The following MDGA2 variants were observed in gnomAD, a reference collection of about 807,000 sequenced individuals.
MDGA2 encodes MAM domain containing glycosylphosphatidylinositol anchor 2.
In MDGA2, 40 loss-of-function variants were observed where a neutral mutation model predicts 117.8. The ratio of observed to expected loss-of-function variants is 0.34; its 90% CI spans 0.26 to 0.44. The LOEUF (loss-of-function observed/expected upper bound fraction) is 0.44. Among genes scored for constraint, MDGA2 ranks in the 20% least tolerant of loss-of-function variants. The pLI is 1.00. For synonymous variants in MDGA2, 452 were observed against 439.0 expected, an observed-to-expected ratio of 1.03 and a Z score of -0.37; for missense variants, 1,123 against 1,250.6, an observed-to-expected ratio of 0.90 and a Z score of 1.54.
At chr14:47,249,458 A>T (rs149405764) in intron 2 of MDGA2, among the ~76,000 whole-genome samples, 1 of 152,288 alleles carries the variant, frequency 6.6e-6, no homozygotes, top group African/African-American at 2.4e-5. Context: ...AATAGCTGAG[A>T]CTACAGGCAT....
chr14:47,328,235 A>G (rs1890198370), intron 1 of MDGA2, among the ~76,000 whole-genome samples: 1 of 152,124 alleles, frequency 6.6e-6, no homozygotes, highest in Non-Finnish European at 1.5e-5. Context: ...CTGGAAGACA[A>G]ATGTGGATTT....
intron 1 of MDGA2, among the ~76,000 whole-genome samples, chr14:47,403,765 A>G (rs998763706): frequency 6.6e-6 from 1 of 152,126 alleles, no homozygotes; most frequent in Non-Finnish European, 1.5e-5. Flanking sequence ...CATTTGAGAA[A>G]ATAGCAAAAA....
At chr14:47,177,479 T>A (rs1884516006) in intron 3 of MDGA2, among the ~76,000 whole-genome samples, 2 of 152,244 alleles carry the variant, frequency 1.3e-5, no homozygotes, top group East Asian at 3.9e-4. Context: ...CCATAAAAAA[T>A]GATGAGTTCA....
At chr14:47,520,268 T>C (rs1894841913) in intron 1 of MDGA2, among the ~76,000 whole-genome samples, 1 of 152,186 alleles carries the variant, frequency 6.6e-6, no homozygotes, top group Non-Finnish European at 1.5e-5. Flanking sequence ...AGTCACTCTA[T>C]CCTTCTGACT....
intron 1 of MDGA2, among the ~76,000 whole-genome samples, chr14:47,424,314 T>A (rs113543828): frequency 1.3e-5 from 2 of 151,942 alleles, no homozygotes; most frequent in Non-Finnish European, 2.9e-5. Flanking sequence ...TTCCAGCCAT[T>A]TGGGAGGCTG....
chr14:47,040,836 C>A (rs1278596489), intron 7 of MDGA2, among the ~76,000 whole-genome samples: 1 of 152,156 alleles, frequency 6.6e-6, no homozygotes, highest in Non-Finnish European at 1.5e-5. Flanking sequence ...TATCCCTGAC[C>A]AGGCAGCTCC....
At chr14:47,063,589 C>T (rs1225383301) in intron 6 of MDGA2, among the ~76,000 whole-genome samples, 1 of 151,806 alleles carries the variant, frequency 6.6e-6, no homozygotes, top group South Asian at 2.1e-4. Flanking sequence ...AATATATTTT[C>T]TGTTAAAAAC....
chr14:47,357,887 T>G (rs966875371), intron 1 of MDGA2, among the ~76,000 whole-genome samples: 9 of 152,200 alleles, frequency 5.9e-5, no homozygotes, highest in African/African-American at 1.9e-4. Context: ...TCAATGCCCC[T>G]GGTCTACATG....
chr14:46,992,087 T>G (rs896127260), intron 8 of MDGA2, among the ~76,000 whole-genome samples: 1 of 152,050 alleles, frequency 6.6e-6, no homozygotes, highest in African/African-American at 2.4e-5. Flanking sequence ...TGTCAAAAGA[T>G]CAAAACTAGC....
At chr14:47,665,397 A>G (rs755774462) in intron 1 of MDGA2, among the ~76,000 whole-genome samples, 3 of 152,186 alleles carry the variant, frequency 2.0e-5, no homozygotes, top group Non-Finnish European at 4.4e-5. Flanking sequence ...CAGCCCTCAC[A>G]ACCCTCGCTT....
At chr14:46,859,147 C>G (rs1267789712) in intron 14 of MDGA2, among the ~76,000 whole-genome samples, 4 of 152,070 alleles carry the variant, frequency 2.6e-5, no homozygotes, top group African/African-American at 9.7e-5. Context: ...CTAGAGAAGG[C>G]CTTTCTCCCA....
chr14:47,330,985 G>T (rs1890277936), intron 1 of MDGA2, among the ~76,000 whole-genome samples: 1 of 151,840 alleles, frequency 6.6e-6, no homozygotes, highest in Admixed American at 6.6e-5. Flanking sequence ...GTGGAACTTG[G>T]ACACTATTAA....
At chr14:47,333,766 G>A (rs1245452113) in intron 1 of MDGA2, among the ~76,000 whole-genome samples, 1 of 151,666 alleles carries the variant, frequency 6.6e-6, no homozygotes, top group African/African-American at 2.4e-5. Context: ...AGATAAAAAT[G>A]ATCTCAAATC....
chr14:47,437,154 C>T lies in MDGA2; in HGVS notation c.281-135604G>A, dbSNP rs552451456. On this transcript the variant is annotated intron_variant, in intron 1 of 16. Transcript: ENST00000399232. ...TCTGTGAGAAATAAGGTCAGATTTA[C>T]TCCTCTCCATCCCAAAGCAGTTAAG... Among the ~76,000 whole-genome samples, 14 of 152,056 alleles carry T rather than the reference C, an allele frequency of 9.2e-5. No individual in the cohort carries two copies. In the East Asian group the frequency reaches 1.6e-3, roughly 17 times the overall value.
intron 8 of MDGA2, among the ~76,000 whole-genome samples, chr14:47,026,024 C>T (rs1322780872): frequency 6.6e-6 from 1 of 152,090 alleles, no homozygotes; most frequent in Non-Finnish European, 1.5e-5. Context: ...TTATTCAATA[C>T]AGGAATTTAC....
chr14:47,589,950 T>C (rs1896404666), intron 1 of MDGA2, among the ~76,000 whole-genome samples: 1 of 152,006 alleles, frequency 6.6e-6, no homozygotes, highest in Non-Finnish European at 1.5e-5. Context: ...GCTTTCTTAA[T>C]ACCATTTTTG....
intron 2 of MDGA2, among the ~76,000 whole-genome samples, chr14:47,240,148 G>A (rs542999439): frequency 2.6e-5 from 4 of 151,730 alleles, no homozygotes; most frequent in South Asian, 2.1e-4. Flanking sequence ...TGGTTCAAGC[G>A]ATTCTCCTGC....
intron 10 of MDGA2, among the ~76,000 whole-genome samples, chr14:46,910,622 T>A (rs1883661835): frequency 6.6e-6 from 1 of 151,238 alleles, no homozygotes; most frequent in Non-Finnish European, 1.5e-5. Flanking sequence ...ACAATGGGAG[T>A]TCTGGCCAGA....
chr14:47,669,697 G>A (rs1254577807), intron 1 of MDGA2, among the ~76,000 whole-genome samples: 2 of 151,938 alleles, frequency 1.3e-5, no homozygotes, highest in Non-Finnish European at 2.9e-5. Context: ...GTGAGAAGAG[G>A]AAAAAGAGGT....
Sources: allele counts gnomAD v4.1 joint callset (sites outside exome capture counted in the v4.1 genomes callset), GRCh38; gene constraint gnomAD v4.1.1; transcripts MANE v1.5; gene names NCBI Gene and HGNC (gene_info 2026-07-23, HGNC 2026-07-21).